The following AMPH variants were observed in gnomAD, a reference collection of about 807,000 sequenced individuals.
AMPH encodes the protein amphiphysin, also known as amphiphysin (Stiff-Mann syndrome with breast cancer 128kD autoantigen).
A neutral mutation model predicts 99.1 loss-of-function variants in AMPH; 49 were observed. The ratio of observed to expected loss-of-function variants is 0.49; its 90% confidence interval spans 0.39 to 0.63. The LOEUF is 0.63. AMPH is among the 20% of genes least tolerant of loss of function. AMPH has a pLI of 0.00. For synonymous variants in AMPH, 314 were observed against 317.3 expected (o/e 0.99, Z 0.11); for missense variants, 759 against 863.4 (o/e 0.88, Z 1.52).
At chr7:38,539,591 G>A (rs1790737611) in intron 1 of AMPH, among the ~76,000 whole-genome samples, 1 of 152,148 alleles carries the variant, frequency 6.6e-6, no homozygotes, top group Non-Finnish European at 1.5e-5. Context: ...CTTTGTAAAG[G>A]CCAAATTGGA....
intron 1 of AMPH, among the ~76,000 whole-genome samples, chr7:38,596,945 C>G (rs1793080581): frequency 6.6e-6 from 1 of 152,218 alleles, no homozygotes; most frequent in Admixed American, 6.5e-5. Flanking sequence ...CTGGCTTCAA[C>G]AGTTTCCCAC....
At chr7:38,407,238 G>A (rs1400192226) in intron 17 of AMPH, among the ~76,000 whole-genome samples, 1 of 145,822 alleles carries the variant, frequency 6.9e-6, no homozygotes, top group Non-Finnish European at 1.5e-5. Context: ...TAGATATAGA[G>A]ATATATCTGT....
At chr7:38,446,647 G>A (rs1200106794) in intron 11 of AMPH, among the ~76,000 whole-genome samples, 1 of 152,182 alleles carries the variant, frequency 6.6e-6, no homozygotes, top group Non-Finnish European at 1.5e-5. Flanking sequence ...AAATTAAAAA[G>A]TGGCTCAGAA....
In AMPH at chr7:38,619,418, G is replaced by A. The variant is rs373368442; in HGVS notation, c.69+11865C>T. Among the ~76,000 whole-genome samples, 228 of 152,262 alleles carry A rather than the reference G, an allele frequency of 1.5e-3. 2 individuals are homozygous for A. The highest frequency in any genetic ancestry group is 4.7e-3 in the African/African-American group (197 of 41,546). ...TACATGAAGGATAAACTGACAGAGC[G>A]GAAGAAAGAAATAGACAATTCAACA... is the stretch of plus-strand genomic sequence containing the variant. On this transcript the variant is annotated intron_variant, in intron 1 of 20. Transcript: ENST00000356264.
intron 14 of AMPH, chr7:38,429,466 A>C (rs1247885397): frequency 7.7e-7 from 1 of 1,305,904 alleles, no homozygotes. Context: ...TCAGGGCCCC[A>C]AGTAAATGCA....
rs1449768626 is a variant in AMPH, at chr7:38,461,263, GC to G, written c.1017+19del. 2 of 1,608,138 alleles carry G rather than the reference GC, an allele frequency of 1.2e-6. No individual in the cohort carries two copies. The highest frequency in any genetic ancestry group is 2.2e-5 in the South Asian group (2 of 91,004). ...CCATGGGACTTTCATGGACATACCA[GC>G]CCTGAACCAGGCACTTACCTGGGAA... On this transcript the variant is annotated intron_variant, in intron 11 of 20. Transcript: ENST00000356264.
intron 1 of AMPH, among the ~76,000 whole-genome samples, chr7:38,590,654 C>T (rs1792822881): frequency 2.6e-5 from 4 of 152,118 alleles, no homozygotes; most frequent in Admixed American, 2.6e-4. Context: ...TTAGTGAGCC[C>T]TCTTTACTAC....
intron 1 of AMPH, among the ~76,000 whole-genome samples, chr7:38,588,529 C>G (rs1340730066): frequency 1.3e-5 from 2 of 152,178 alleles, no homozygotes; most frequent in Non-Finnish European, 2.9e-5. Flanking sequence ...TAAATGTCTA[C>G]TGTATGTGCC....
chr7:38,451,058 ATTTTTTTT>A (rs754144389), intron 11 of AMPH, among the ~76,000 whole-genome samples: 1 of 137,910 alleles, frequency 7.3e-6, no homozygotes, highest in African/African-American at 2.7e-5. Context: ...ATGCCCAGCT[ATTTTTTTT>A]TTTTTTTGTA....
At chr7:38,554,206 C>A (rs755329487) in intron 1 of AMPH, among the ~76,000 whole-genome samples, 3 of 152,206 alleles carry the variant, frequency 2.0e-5, no homozygotes, top group Non-Finnish European at 4.4e-5. Context: ...TGGATTTGTG[C>A]ACATTATGAT....
chr7:38,491,075 T>A lies in AMPH; in HGVS notation c.371A>T (p.Tyr124Phe). 6.2e-7 allele frequency: 1 copy of A among 1,612,584 alleles called. No homozygotes were observed. The highest frequency in any genetic ancestry group is 8.5e-7 in the Non-Finnish European group (1 of 1,178,766). ...VDGSLLTLDT[Y>F]LGQFPDIKNR... ...CTTTATGTCAGGAAATTGCCCCAGG[T>A]AGGTATCCAGTGTTAGCAAGGACCC... The change falls in exon 5 of 21, where the codon TAC becomes TTC. Residue 124 changes from tyrosine to phenylalanine, a missense_variant. This residue lies in a region of AMPH where 205 missense variants were observed against 287.9 expected (regional missense o/e 0.71). Transcript: ENST00000356264.
chr7:38,443,168 T>C (rs1055787843), intron 11 of AMPH, among the ~76,000 whole-genome samples: 4 of 151,826 alleles, frequency 2.6e-5, no homozygotes, highest in Non-Finnish European at 5.9e-5. Context: ...AATACAAAAA[T>C]CTCACTCAAG....
At chr7:38,451,787 T>A (rs1447941282) in intron 11 of AMPH, among the ~76,000 whole-genome samples, 1 of 152,034 alleles carries the variant, frequency 6.6e-6, no homozygotes, top group African/African-American at 2.4e-5. Flanking sequence ...AAGAATAATG[T>A]AGGGACACAA....
At chr7:38,419,377 C>G (rs527432057) in intron 16 of AMPH, among the ~76,000 whole-genome samples, 1 of 94,978 alleles carries the variant, frequency 1.1e-5, no homozygotes, top group Non-Finnish European at 2.2e-5. Context: ...CAGGATCACA[C>G]GACTATTCTT....
At chr7:38,436,423 G>A (rs1786267865) in intron 11 of AMPH, 35 bp from the exon 12 acceptor site, 2 of 1,476,554 alleles carry the variant, frequency 1.4e-6, no homozygotes, top group Non-Finnish European at 9.5e-7. Context: ...AATAAAACAT[G>A]TATTAGCTTG....
intron 17 of AMPH, among the ~76,000 whole-genome samples, chr7:38,402,999 A>G (rs560395285): frequency 6.6e-6 from 1 of 152,290 alleles, no homozygotes; most frequent in Non-Finnish European, 1.5e-5. Flanking sequence ...TCTTTTACAC[A>G]TCCCAATGAT....
Position 38,611,479 on chromosome 7 carries a change from A to AT in AMPH, c.69+19803dup, listed in dbSNP as rs545123490. On this transcript the variant is annotated intron_variant, in intron 1 of 20. Coordinates refer to ENST00000356264, the MANE Select transcript of AMPH (RefSeq NM_001635.4). The stretch of plus-strand genomic sequence containing the variant: ...CATGTTAAGTGTTCTTACCACAATA[A>AT]TTTTTTTTTACAAGACGTAAACATC... Among the ~76,000 whole-genome samples, 115 of 151,866 alleles carry AT rather than the reference A, an allele frequency of 7.6e-4. 1 individual carries two copies. In the Middle Eastern group the frequency reaches 0.017, roughly 22 times the overall value.
intron 2 of AMPH, among the ~76,000 whole-genome samples, chr7:38,512,037 T>C (rs559603813): frequency 1.3e-5 from 2 of 152,350 alleles, no homozygotes; most frequent in Admixed American, 1.3e-4. Flanking sequence ...CTCCAGGTGA[T>C]GGTTATTGGG....
intron 12 of AMPH, among the ~76,000 whole-genome samples, chr7:38,434,502 G>C (rs1391957961): frequency 6.6e-6 from 1 of 152,168 alleles, no homozygotes; most frequent in Non-Finnish European, 1.5e-5. Context: ...CACTTTGGGA[G>C]GCCGAGGTGG....
Sources: gnomAD v4.1 joint callset for allele counts (sites outside exome capture counted in the v4.1 genomes callset) on GRCh38, gnomAD v4.1.1 for gene constraint, gnomAD v4.1.1 regional missense constraint, MANE v1.5 for transcripts, NCBI Gene and HGNC (gene_info 2026-07-23, HGNC 2026-07-21) for gene names.